Variants in ERAP1 observed in about 807,000 individuals in gnomAD.
The protein encoded by ERAP1 is endoplasmic reticulum aminopeptidase 1, also known as adipocyte-derived leucine aminopeptidase.
In ERAP1, 86 loss-of-function variants were observed where a neutral mutation model predicts 103.7. The ratio of observed to expected loss-of-function variants is 0.83; its 90% CI spans 0.70 to 0.99. The LOEUF (loss-of-function observed/expected upper bound fraction) is 0.99. ERAP1 is among the 50% of genes least tolerant of loss of function. ERAP1 has a pLI of 0.00. For missense variants in ERAP1, 1,009 were observed against 1,128.4 expected (o/e 0.89, Z 1.52); for synonymous variants, 398 against 402.4 (o/e 0.99, Z 0.13).
Position 96,788,534 on chromosome 5 carries a change from G to A in ERAP1, c.1676C>T (p.Thr559Ile). Residue 559 changes from threonine (T) to isoleucine (I), a missense_variant, in exon 11 of 19, where the codon ACT becomes ATT. Around this residue, in one of 3 missense-constraint regions of ERAP1, gnomAD observed 611 missense variants for 651.7 expected, o/e 0.94. Transcript: ENST00000443439. ...YMKGSDGAPD[T>I]GYLWHVPLTF... ...AATTTTACTCTAGGAGCATTACCCA[G>A]TGTCCGGGGCGCCGTCAGAGCCCTT... The A allele has an allele frequency of 6.2e-7, 1 of 1,614,172 alleles. No homozygotes were observed. The highest frequency in any genetic ancestry group is 8.5e-7 in the Non-Finnish European group (1 of 1,180,038).
chr5:96,893,937 T>C, the ERAP1 span, among the ~76,000 whole-genome samples: 4 of 152,136 alleles, frequency 2.6e-5, no homozygotes, highest in African/African-American at 9.7e-5. Context: ...TCCTACTACC[T>C]GATATTCAGC....
intron 19 of ERAP1, chr5:96,768,129 G>C: frequency 1.4e-6 from 1 of 706,840 alleles, no homozygotes; most frequent in Admixed American, 2.3e-5. Context: ...TATAGCCCAG[G>C]CTGGAGTGCA....
chr5:96,883,736 C>T, the ERAP1 span: 1 of 1,551,620 alleles, frequency 6.4e-7, no homozygotes, highest in Non-Finnish European at 8.7e-7. Context: ...TGTACAGATT[C>T]ATTTCTCTTC....
At chr5:96,879,671 T>C in the ERAP1 span, 14 of 1,606,972 alleles carry the variant, frequency 8.7e-6, no homozygotes, top group East Asian at 3.1e-4. Context: ...ACTTGTCTTC[T>C]AGAGAATAGA....
At chr5:96,852,425 A>G in the ERAP1 span, among the ~76,000 whole-genome samples, 1 of 152,330 alleles carries the variant, frequency 6.6e-6, no homozygotes, top group Admixed American at 6.5e-5. Context: ...AGTAGAAGTC[A>G]GACATAGAAA....
chr5:96,914,560 C>A, the ERAP1 span, among the ~76,000 whole-genome samples: 82,450 of 152,130 alleles, frequency 0.54, 22,424 homozygotes, highest in Admixed American at 0.59. Context: ...CCTTAATCTA[C>A]AATGCTGTGG....
chr5:96,893,355 C>T, the ERAP1 span, among the ~76,000 whole-genome samples: 61 of 152,252 alleles, frequency 4.0e-4, 1 homozygote, highest in South Asian at 0.01. Context: ...TATCCTTTAT[C>T]GTCACCACAA....
the ERAP1 span, among the ~76,000 whole-genome samples, chr5:96,832,657 C>T: frequency 6.6e-6 from 1 of 152,174 alleles, no homozygotes; most frequent in Admixed American, 6.5e-5. Flanking sequence ...ATTTAATCAT[C>T]TTTATAAACA....
intron 16 of ERAP1, 29 bp from the exon 17 acceptor site, chr5:96,781,227 C>A (rs1278618252): frequency 6.2e-7 from 1 of 1,604,896 alleles, no homozygotes; most frequent in Admixed American, 1.7e-5. Flanking sequence ...GAAATGTTAG[C>A]AATGAATAGG....
At chr5:96,895,357 T>G in the ERAP1 span, 1 of 1,594,112 alleles carries the variant, frequency 6.3e-7, no homozygotes, top group African/African-American at 1.3e-5. Flanking sequence ...AGAGCTGCAA[T>G]TTGTAAGTTC....
chr5:96,903,726 G>GACCCAC, the ERAP1 span, among the ~76,000 whole-genome samples: 2,181 of 152,270 alleles, frequency 0.014, 51 homozygotes, highest in South Asian at 0.088. Context: ...AACGTATTTT[G>GACCCAC]ACCCACACAG....
intron 3 of ERAP1, among the ~76,000 whole-genome samples, chr5:96,799,030 G>C (rs993314791): frequency 1.3e-5 from 2 of 151,564 alleles, no homozygotes; most frequent in Non-Finnish European, 2.9e-5. Context: ...ACCACGCCCA[G>C]CTAATTTTGT....
At chr5:96,834,148 C>T in the ERAP1 span, among the ~76,000 whole-genome samples, 24 of 152,302 alleles carry the variant, frequency 1.6e-4, no homozygotes, top group East Asian at 5.8e-4. Flanking sequence ...CAGTGACTTC[C>T]GCAGTTAGTT....
the ERAP1 span, among the ~76,000 whole-genome samples, chr5:96,892,084 A>C: frequency 6.6e-6 from 1 of 152,186 alleles, no homozygotes; most frequent in African/African-American, 2.4e-5. Flanking sequence ...TACTTCATCT[A>C]CAAAACTCTT....
At chr5:96,771,561 T>C (rs1350905684), downstream of ERAP1, 4 of 994,106 alleles carry the variant, frequency 4.0e-6, no homozygotes, top group Admixed American at 2.1e-5. Flanking sequence ...CTGCCATCTT[T>C]TGTCCCCTAA....
At chr5:96,833,967 A>G in the ERAP1 span, among the ~76,000 whole-genome samples, 6 of 152,280 alleles carry the variant, frequency 3.9e-5, no homozygotes, top group African/African-American at 1.4e-4. Context: ...GTAATGATCC[A>G]TTGCTGATTG....
At chr5:96,835,734 G>A in the ERAP1 span, among the ~76,000 whole-genome samples, 330 of 152,248 alleles carry the variant, frequency 2.2e-3, 5 homozygotes, top group African/African-American at 7.4e-3. Flanking sequence ...CCAGCAGTAC[G>A]AAGGCTCACA....
the ERAP1 span, among the ~76,000 whole-genome samples, chr5:96,912,387 C>A: frequency 6.6e-6 from 1 of 151,964 alleles, no homozygotes; most frequent in Admixed American, 6.6e-5. Context: ...ATTTTCACCT[C>A]AGAGTAGGTT....
chr5:96,812,808 T>A (rs1236765552), upstream of ERAP1, among the ~76,000 whole-genome samples: 1 of 152,182 alleles, frequency 6.6e-6, no homozygotes, highest in African/African-American at 2.4e-5. Context: ...AAAGAGAAAC[T>A]CATTTATGCT....
Sources: allele counts gnomAD v4.1 joint callset (sites outside exome capture counted in the v4.1 genomes callset), GRCh38; gene constraint gnomAD v4.1.1; regional missense constraint gnomAD v4.1.1; transcripts MANE v1.5; gene names NCBI Gene and HGNC (gene_info 2026-07-23, HGNC 2026-07-21).